Variants in ARSG observed in about 807,000 individuals in gnomAD.
ARSG encodes the protein ASG.
In ARSG, 37 loss-of-function variants were observed where a neutral mutation model predicts 50.5. The observed-to-expected ratio is 0.73, with a 90% CI of 0.56 to 0.96. The LOEUF (loss-of-function observed/expected upper bound fraction) is 0.96. Ranked by LOEUF, ARSG falls within the 50% of genes least tolerant of loss-of-function variation. The probability of loss-of-function intolerance (pLI) is 0.00; values close to 1 mark genes in which losing one functional copy is unlikely to be tolerated. For missense variants in ARSG, 629 were observed against 675.3 expected (o/e 0.93, Z 0.76); for synonymous variants, 225 against 254.6 (o/e 0.88, Z 1.11).
chr17:68,318,496 T>C (rs1327768656), intron 2 of ARSG, among the ~76,000 whole-genome samples: 1 of 152,198 alleles, frequency 6.6e-6, no homozygotes, highest in Non-Finnish European at 1.5e-5. Context: ...TGGGCAGTAA[T>C]GACTCACAGG....
At chr17:68,437,948 T>TAAAAAA in the ARSG span, among the ~76,000 whole-genome samples, 303 of 78,760 alleles carry the variant, frequency 3.8e-3, 7 homozygotes, top group African/African-American at 0.014. Context: ...ACATCTCTCT[T>TAAAAAA]AAAAAAAAAA....
At chr17:68,433,360 A>G in the ARSG span, 3 of 1,057,552 alleles carry the variant, frequency 2.8e-6, no homozygotes, top group Non-Finnish European at 4.3e-6. Context: ...TCCCAAGTGA[A>G]GCCAAGATTG....
intron 1 of ARSG, among the ~76,000 whole-genome samples, chr17:68,259,682 A>C (rs1261780433): frequency 6.6e-6 from 1 of 152,218 alleles, no homozygotes; most frequent in Non-Finnish European, 1.5e-5. Flanking sequence ...ATCAATGCTG[A>C]ATGTTTTATG....
the ARSG span, among the ~76,000 whole-genome samples, chr17:68,434,139 C>A: frequency 6.6e-6 from 1 of 152,126 alleles, no homozygotes; most frequent in East Asian, 1.9e-4. Flanking sequence ...AGGAACTGTG[C>A]CTTCCTGGCA....
rs371922940 is a variant in ARSG, at chr17:68,324,870, A to G, written c.218+17159A>G. Among the ~76,000 whole-genome samples the G allele has an allele frequency of 4.6e-5, 7 of 152,244 alleles. No individual in the cohort carries two copies. In the East Asian group the frequency reaches 9.6e-4, roughly 21 times the overall value. Reference sequence around the variant, plus strand: ...AGCTTACACTTAACTTCTTTTGGGAAATGCTTTCCCAACACACAGGTATAC... The same window carrying G: ...AGCTTACACTTAACTTCTTTTGGGAGATGCTTTCCCAACACACAGGTATAC... On this transcript the variant is annotated intron_variant, in intron 2 of 11. Coordinates refer to ENST00000621439, the MANE Select transcript of ARSG (RefSeq NM_001267727.2).
At chr17:68,359,218 A>T (rs983836331) in intron 6 of ARSG, among the ~76,000 whole-genome samples, 1 of 152,162 alleles carries the variant, frequency 6.6e-6, no homozygotes, top group Non-Finnish European at 1.5e-5. Flanking sequence ...AAAAACAAAA[A>T]AGCAAAAACA....
At chr17:68,429,753 TA>T in the ARSG span, among the ~76,000 whole-genome samples, 2 of 152,096 alleles carry the variant, frequency 1.3e-5, no homozygotes, top group African/African-American at 2.4e-5. Flanking sequence ...CATACCCGGC[TA>T]ATTTTTGTAT....
chr17:68,376,273 C>T (rs1232659279), intron 8 of ARSG, among the ~76,000 whole-genome samples: 2 of 99,014 alleles, frequency 2.0e-5, no homozygotes, highest in Non-Finnish European at 4.1e-5. Context: ...ACTGCGCCCC[C>T]TGCATTTTTT....
intron 6 of ARSG, among the ~76,000 whole-genome samples, chr17:68,359,031 C>T (rs1435926159): frequency 4.0e-5 from 6 of 151,860 alleles, no homozygotes; most frequent in South Asian, 4.2e-4. Context: ...GGCGTGGTGG[C>T]GGACGCCTGT....
chr17:68,370,637 A>C, intron 8 of ARSG, 113 bp downstream of exon 8: 1 of 891,324 alleles, frequency 1.1e-6, no homozygotes, highest in South Asian at 1.6e-5. Flanking sequence ...TAGGGTCATC[A>C]TTGTGAAACA....
intron 8 of ARSG, among the ~76,000 whole-genome samples, chr17:68,375,456 C>T (rs560874434): frequency 6.6e-6 from 1 of 152,176 alleles, no homozygotes; most frequent in Non-Finnish European, 1.5e-5. Context: ...TTAAACAAGT[C>T]CTTTGGGCGA....
At position 68,420,516 on chromosome 17, in the gene ARSG, C is replaced by G; in HGVS notation, c.*53C>G. On this transcript the variant is annotated 3_prime_UTR_variant, in exon 12 of 12. Coordinates refer to ENST00000621439, the MANE Select transcript of ARSG (RefSeq NM_001267727.2). ...AGTACCTGGAAATTAGGCAAGTTTG[C>G]TTCCAAATTTCATTTTTACCCTCTT... The G allele has an allele frequency of 6.4e-7, 1 of 1,573,024 alleles. No individual in the cohort carries two copies. Among genetic ancestry groups the G allele is most frequent in the Non-Finnish European group, 8.7e-7 (1 of 1,152,236 alleles).
At chr17:68,368,869 T>C (rs1028054087) in intron 7 of ARSG, 125 bp downstream of exon 7, 8 of 1,111,512 alleles carry the variant, frequency 7.2e-6, no homozygotes, top group Non-Finnish European at 1.0e-5. Flanking sequence ...TTTGAACTTG[T>C]GGCCCAGATA....
Position 68,376,234 on chromosome 17 carries a change from C to T in ARSG, c.982+5710C>T, listed in dbSNP as rs141818358. On this transcript the variant is annotated intron_variant, in intron 8 of 11. Coordinates refer to ENST00000621439, the MANE Select transcript of ARSG (RefSeq NM_001267727.2). ...AAGGGATTCCCCCCACCTCATTCTC[C>T]TGAGTACCTTGGACTACAGGAGTGT... Among the ~76,000 whole-genome samples, 5 of 149,658 alleles carry T rather than the reference C, an allele frequency of 3.3e-5. No individual in the cohort carries two copies. In the East Asian group the frequency reaches 9.8e-4, roughly 29 times the overall value.
Position 68,381,384 on chromosome 17 carries a change from C to T in ARSG, c.983-3680C>T, listed in dbSNP as rs1015214818. ...TTAGAGTCACAAGTAACCACAAGTG[C>T]GTAGAAATGCATTCTCATGGCCATA... On this transcript the variant is annotated intron_variant, in intron 8 of 11. Coordinates refer to ENST00000621439, the MANE Select transcript of ARSG (RefSeq NM_001267727.2). This position sits in a 1 kb window ranked among gnomAD's most constrained non-coding sequence, Gnocchi z 4.1. 6.6e-6 allele frequency among the ~76,000 whole-genome samples: 1 copy of T among 152,162 alleles called. No individual in the cohort carries two copies. Among genetic ancestry groups the T allele is most frequent in the Non-Finnish European group, 1.5e-5 (1 of 68,038 alleles).
At chr17:68,373,164 C>T (rs1306501453) in intron 8 of ARSG, among the ~76,000 whole-genome samples, 3 of 150,980 alleles carry the variant, frequency 2.0e-5, no homozygotes, top group Non-Finnish European at 4.4e-5. Context: ...CCACCTGCCT[C>T]GGCCTCCCAA....
chr17:68,388,546 C>G (rs922480559), intron 9 of ARSG, among the ~76,000 whole-genome samples: 4 of 152,148 alleles, frequency 2.6e-5, no homozygotes, highest in Admixed American at 2.6e-4. Flanking sequence ...TACCTCTGCT[C>G]CGAATGAGGA....
chr17:68,436,189 C>CA, the ARSG span, among the ~76,000 whole-genome samples: 1 of 152,208 alleles, frequency 6.6e-6, no homozygotes, highest in Non-Finnish European at 1.5e-5. Context: ...TTGGCCTGGC[C>CA]AGCTGGCTTA....
At chr17:68,441,602 T>C in the ARSG span, among the ~76,000 whole-genome samples, 1 of 152,182 alleles carries the variant, frequency 6.6e-6, no homozygotes, top group Non-Finnish European at 1.5e-5. Flanking sequence ...GACCTGGTCA[T>C]GTCACTGAAG....
Sources: allele counts gnomAD v4.1 joint callset (sites outside exome capture counted in the v4.1 genomes callset), GRCh38; gene constraint gnomAD v4.1.1; non-coding constraint Gnocchi (gnomAD v3.1); transcripts MANE v1.5; gene names NCBI Gene and HGNC (gene_info 2026-07-23, HGNC 2026-07-21).